The following SNTG1 variants were observed in gnomAD, a reference collection of about 807,000 sequenced individuals.
SNTG1 encodes gamma-1-syntrophin.
Under a neutral mutation model 74.7 loss-of-function variants are expected in SNTG1, and 39 were observed. The ratio of observed to expected loss-of-function variants is 0.52; its 90% CI spans 0.40 to 0.68. The LOEUF (loss-of-function observed/expected upper bound fraction) is 0.68, where lower values mean the gene tolerates loss of function less well. Among genes scored for constraint, SNTG1 ranks in the 30% least tolerant of loss-of-function variants. SNTG1 has a pLI of 0.00. For synonymous variants in SNTG1, 254 were observed against 217.1 expected, an observed-to-expected ratio of 1.17 and a Z score of -1.49; for missense variants, 685 against 609.5, an observed-to-expected ratio of 1.12 and a Z score of -1.30.
Position 50,529,483 on chromosome 8 carries a change from T to C in SNTG1, c.467-694T>C, listed in dbSNP as rs190427123. 1.2e-4 allele frequency among the ~76,000 whole-genome samples: 18 copies of C among 152,162 alleles called. No homozygotes were observed. In the East Asian group the frequency reaches 1.3e-3, roughly 11 times the overall value. On this transcript the variant is annotated intron_variant, in intron 9 of 18. Coordinates refer to ENST00000642720, the MANE Select transcript of SNTG1 (RefSeq NM_018967.5). ...CAATTATATTTGTGGGTAATATTTA[T>C]AAACATTAGTAACTTTAAAAAATAT...
At chr8:50,210,298 C>T (rs1473971080) in intron 2 of SNTG1, among the ~76,000 whole-genome samples, 1 of 152,164 alleles carries the variant, frequency 6.6e-6, no homozygotes, top group Non-Finnish European at 1.5e-5. Flanking sequence ...AGTTGGAAAA[C>T]ACTCTTCAGG....
At chr8:50,117,764 G>C (rs1377025286) in intron 1 of SNTG1, among the ~76,000 whole-genome samples, 1 of 152,184 alleles carries the variant, frequency 6.6e-6, no homozygotes, top group African/African-American at 2.4e-5. Context: ...GCATGTACTA[G>C]CAACTGAAAA....
intron 13 of SNTG1, among the ~76,000 whole-genome samples, chr8:50,624,245 A>G (rs1444102963): frequency 6.6e-6 from 1 of 152,106 alleles, no homozygotes; most frequent in East Asian, 1.9e-4. Context: ...ATTTAATTCT[A>G]ATGCCTCTCA....
intron 1 of SNTG1, among the ~76,000 whole-genome samples, chr8:49,981,743 T>G (rs898631204): frequency 1.3e-5 from 2 of 152,194 alleles, no homozygotes; most frequent in Non-Finnish European, 2.9e-5. Context: ...TTATGAAATA[T>G]TTTCCTGTTC....
intron 13 of SNTG1, among the ~76,000 whole-genome samples, chr8:50,656,554 T>C (rs1369024182): frequency 6.6e-6 from 1 of 152,142 alleles, no homozygotes; most frequent in African/African-American, 2.4e-5. Flanking sequence ...AAAATGTCAG[T>C]AATTGGTAAA....
chr8:50,170,393 T>G (rs2082764390), intron 1 of SNTG1, among the ~76,000 whole-genome samples: 1 of 152,052 alleles, frequency 6.6e-6, no homozygotes. Flanking sequence ...ATGAAAAAAC[T>G]TAAAAGATAT....
intron 1 of SNTG1, among the ~76,000 whole-genome samples, chr8:50,167,833 A>T (rs2082679625): frequency 6.6e-6 from 1 of 151,078 alleles, no homozygotes; most frequent in African/African-American, 2.4e-5. Context: ...AAAAAAGGTA[A>T]AGAAAAAAAG....
chr8:50,541,847 A>G (rs1018587526), intron 11 of SNTG1, among the ~76,000 whole-genome samples: 28 of 151,778 alleles, frequency 1.8e-4, no homozygotes, highest in African/African-American at 6.3e-4. Context: ...TCGGGTAATG[A>G]ACAATTTACT....
intron 12 of SNTG1, among the ~76,000 whole-genome samples, chr8:50,577,938 C>G (rs141134386): frequency 1.3e-3 from 200 of 152,250 alleles, no homozygotes; most frequent in African/African-American, 4.4e-3. Context: ...TGATAAGATG[C>G]AAAGCACCAA....
At chr8:50,113,297 C>T (rs1414447445) in intron 1 of SNTG1, among the ~76,000 whole-genome samples, 1 of 152,090 alleles carries the variant, frequency 6.6e-6, no homozygotes, top group African/African-American at 2.4e-5. Flanking sequence ...CTGTAGTTCT[C>T]CTTGAAGAGG....
At position 50,107,966 on chromosome 8, in the gene SNTG1, T is replaced by C. The variant is rs568128750; in HGVS notation, c.-102-64595T>C. Among the ~76,000 whole-genome samples, 12 of 152,342 alleles carry C rather than the reference T, an allele frequency of 7.9e-5. No individual in the cohort carries two copies. The East Asian group carries it at 1.7e-3, about 22-fold the overall frequency. The stretch of plus-strand genomic sequence containing the variant: ...AATTTTTTGGTAAGCGTTAGTTTCC[T>C]TGCCTTTGCCGTGAGCATTTCCCCA... On this transcript the variant is annotated intron_variant, in intron 1 of 18. Coordinates refer to ENST00000642720, the MANE Select transcript of SNTG1 (RefSeq NM_018967.5).
chr8:50,674,833 T>TGA (rs2095302652), intron 15 of SNTG1, among the ~76,000 whole-genome samples: 1 of 152,138 alleles, frequency 6.6e-6, no homozygotes, highest in Non-Finnish European at 1.5e-5. Context: ...AACACTGGTT[T>TGA]AGCTATGTCC....
chr8:50,047,589 G>A lies in SNTG1; in HGVS notation c.-102-124972G>A, dbSNP rs544187066. ...TGTTTCATGGAACAAATTGATGGGG[G>A]AAATAGTTGCCATTTTAGAAAACTT... is the stretch of plus-strand genomic sequence containing the variant. On this transcript the variant is annotated intron_variant, in intron 1 of 18. Transcript: ENST00000642720. 1.9e-4 allele frequency among the ~76,000 whole-genome samples: 29 copies of A among 152,140 alleles called. No individual in the cohort carries two copies. The East Asian group carries it at 4.8e-3, about 25-fold the overall frequency.
chr8:50,189,172 A>T (rs1323793044), intron 2 of SNTG1, among the ~76,000 whole-genome samples: 1 of 152,204 alleles, frequency 6.6e-6, no homozygotes, highest in Non-Finnish European at 1.5e-5. Flanking sequence ...GGGCCGTGGA[A>T]ACTTTGAAAG....
chr8:50,308,703 T>C (rs898752704), intron 2 of SNTG1, among the ~76,000 whole-genome samples: 1 of 152,180 alleles, frequency 6.6e-6, no homozygotes, highest in Non-Finnish European at 1.5e-5. Context: ...TCATACCTAC[T>C]CATTTATGTG....
intron 12 of SNTG1, among the ~76,000 whole-genome samples, chr8:50,560,534 A>G (rs2094481211): frequency 6.6e-6 from 1 of 152,240 alleles, no homozygotes; most frequent in South Asian, 2.1e-4. Context: ...AATGCTATAC[A>G]GTCATAGAAA....
At chr8:50,635,356 CT>C (rs1482374905) in intron 13 of SNTG1, among the ~76,000 whole-genome samples, 2 of 152,090 alleles carry the variant, frequency 1.3e-5, no homozygotes. Context: ...GTCAGCCAGC[CT>C]TGTGTCTTTC....
At chr8:49,933,481 G>T (rs574826036) in intron 1 of SNTG1, among the ~76,000 whole-genome samples, 2 of 152,004 alleles carry the variant, frequency 1.3e-5, no homozygotes, top group South Asian at 4.1e-4. Flanking sequence ...TCTTTGGTCC[G>T]TTTTGAGCAA....
rs368927986 is a variant in SNTG1 at position 50,752,143 on chromosome 8, C to T, written c.1395+32C>T. 4 of 1,228,114 alleles carry T rather than the reference C, an allele frequency of 3.3e-6. No individual in the cohort carries two copies. The African/African-American group carries it at 6.3e-5, about 19-fold the overall frequency. The allele number at this position is 1,228,114 out of a possible 1,614,324, so 76.1% of individuals were successfully genotyped here. A position where few individuals can be genotyped will look rare whatever the true frequency, so the allele number is the denominator to read the frequency against. ...CCAAGAAATTCATCACATAACACCT[C>T]TAACTACATTAATGCCATTAAGGAA... On this transcript the variant is annotated intron_variant, in intron 18 of 18. Transcript: ENST00000642720.
Sources: allele counts gnomAD v4.1 joint callset (sites outside exome capture counted in the v4.1 genomes callset), GRCh38; gene constraint gnomAD v4.1.1; transcripts MANE v1.5; gene names NCBI Gene and HGNC (gene_info 2026-07-23, HGNC 2026-07-21).